The following TRABD2A variants were observed in gnomAD, a reference collection of about 807,000 sequenced individuals.
TRABD2A encodes the protein TraB domain containing 2A, also known as metalloprotease TIKI1.
A neutral mutation model predicts 45.6 loss-of-function variants in TRABD2A; 43 were observed. The ratio of observed to expected loss-of-function variants is 0.94; its 90% CI spans 0.74 to 1.22. The LOEUF (loss-of-function observed/expected upper bound fraction) is 1.22, where lower values mean the gene tolerates loss of function less well. TRABD2A is among the 50% of genes most tolerant of loss of function. The probability of loss-of-function intolerance (pLI) is 0.00; values close to 1 mark genes in which losing one functional copy is unlikely to be tolerated. For missense variants in TRABD2A, 642 were observed against 652.4 expected, an observed-to-expected ratio of 0.98 and a Z score of 0.17; for synonymous variants, 269 against 265.0, an observed-to-expected ratio of 1.02 and a Z score of -0.15.
intron 5 of TRABD2A, among the ~76,000 whole-genome samples, chr2:84,826,155 G>A (rs905391674): frequency 3.3e-5 from 5 of 152,190 alleles, no homozygotes; most frequent in Non-Finnish European, 7.4e-5. Flanking sequence ...CTCAAGAAAA[G>A]TCTGTTGCTT....
In TRABD2A at chr2:84,847,143, G is replaced by T. The variant is rs138267081; in HGVS notation, c.670-5136C>A. Among the ~76,000 whole-genome samples the T allele has an allele frequency of 5.8e-4, 88 of 152,330 alleles. 1 individual carries two copies. The highest frequency in any genetic ancestry group is 2.0e-3 in the African/African-American group (85 of 41,574). On this transcript the variant is annotated intron_variant, in intron 2 of 6. Coordinates refer to ENST00000409520, the MANE Select transcript of TRABD2A (RefSeq NM_001277053.2). The stretch of plus-strand genomic sequence containing the variant: ...AGTGAGGAGCCAAGTCCAGGGCAGG[G>T]CGGTGCTCCAAGGGAAATCTCCATG...
chr2:84,829,775 ACAC>A (rs1681269995), intron 5 of TRABD2A, among the ~76,000 whole-genome samples: 1 of 148,034 alleles, frequency 6.8e-6, no homozygotes, highest in African/African-American at 2.5e-5. Flanking sequence ...CATCCACACT[ACAC>A]CACACACACC....
intron 2 of TRABD2A, among the ~76,000 whole-genome samples, chr2:84,848,375 T>TAGAC (rs57767626): frequency 0.024 from 1,938 of 80,326 alleles, 30 homozygotes; most frequent in Non-Finnish European, 0.028. Context: ...GATAGATAGA[T>TAGAC]AGACAGACAG....
At chr2:84,834,398 C>T (rs183114918) in intron 4 of TRABD2A, 2 of 152,264 alleles carry the variant, frequency 1.3e-5, no homozygotes, top group Admixed American at 1.3e-4. Context: ...GGAGCCAAAC[C>T]CCTTATATTT....
At chr2:84,853,963 T>A (rs1347027182) in intron 2 of TRABD2A, among the ~76,000 whole-genome samples, 1 of 152,066 alleles carries the variant, frequency 6.6e-6, no homozygotes, top group Non-Finnish European at 1.5e-5. Flanking sequence ...GAGGTTGCAG[T>A]GAGCAGAGAT....
chr2:84,860,286 T>C (rs1454637913), intron 2 of TRABD2A, among the ~76,000 whole-genome samples: 1 of 152,032 alleles, frequency 6.6e-6, no homozygotes, highest in African/African-American at 2.4e-5. Flanking sequence ...CCCCCATACC[T>C]CTGGAAATGA....
intron 4 of TRABD2A, 148 bp from the exon 5 acceptor site, chr2:84,832,293 T>G: frequency 1.3e-6 from 1 of 745,052 alleles, no homozygotes; most frequent in Middle Eastern, 2.4e-4. Flanking sequence ...GCTTCTGGAA[T>G]CAGGCCTGCC....
rs1422858496 is a variant in TRABD2A, at chr2:84,831,967, C to T, written c.1082+88G>A. On this transcript the variant is annotated intron_variant, in intron 5 of 6. Transcript: ENST00000409520. ...ATGACGAGGCAGGGGTTCTCTGGAG[C>T]TCCTCAAGATAGCAGCCCACCCTGG... 4.6e-6 allele frequency: 6 copies of T among 1,312,146 alleles called. No homozygotes were observed. In the South Asian group the frequency reaches 4.7e-5, roughly 10 times the overall value. 81.3% of individuals were successfully genotyped at this position (1,312,146 alleles called of 1,614,324 possible).
Position 84,824,170 on chromosome 2 carries a change from G to A in TRABD2A, c.1117C>T (p.Leu373=), listed in dbSNP as rs765779598. The change falls in exon 6 of 7, where the codon CTG becomes TTG. Residue 373 remains leucine, a synonymous_variant. Coordinates refer to ENST00000409520, the MANE Select transcript of TRABD2A (RefSeq NM_001277053.2). The stretch of plus-strand genomic sequence containing the variant: ...ACTTTTGGAGCAAAGATGGTGGACA[G>A]AGTGGGCCGTGTGGAGGTCTTTTTA... The part of the protein sequence containing the change: ...KSKKTSTRPT[L]STIFAPKVPT... The A allele has an allele frequency of 1.2e-6, 2 of 1,614,022 alleles. No homozygotes were observed. The highest frequency in any genetic ancestry group is 1.1e-5 in the South Asian group (1 of 91,072).
intron 1 of TRABD2A, chr2:84,875,074 G>A (rs1054823985): frequency 5.9e-6 from 1 of 170,670 alleles, no homozygotes; most frequent in Non-Finnish European, 1.3e-5. Flanking sequence ...GCAGTGGAAT[G>A]CCCAGCTAGT....
chr2:84,823,998 GGCCTCCGCTGTGACC>G lies in TRABD2A; in HGVS notation c.1274_1288del (p.Arg425_Arg429del), dbSNP rs1229058974. 1 of 1,613,578 alleles carries G rather than the reference GGCCTCCGCTGTGACC, an allele frequency of 6.2e-7. No homozygotes were observed. The highest frequency in any genetic ancestry group is 2.2e-5 in the East Asian group (1 of 44,860). Reference sequence around the variant, plus strand: ...CAGATCGCTGAATTGCCGGAGTCGCGGCCTCCGCTGTGACCGCCTCCGCTTCTTCCGGAACCTCTG... The same window carrying G: ...CAGATCGCTGAATTGCCGGAGTCGCGGCCTCCGCTTCTTCCGGAACCTCTG... On this transcript the variant is annotated inframe_deletion, in exon 6 of 7. Coordinates refer to ENST00000409520, the MANE Select transcript of TRABD2A (RefSeq NM_001277053.2).
chr2:84,838,227 A>G (rs767324777), intron 4 of TRABD2A: 61 of 717,508 alleles, frequency 8.5e-5, no homozygotes, highest in South Asian at 8.4e-4. Context: ...CCTGATTTTC[A>G]AGGCTACTGT....
intron 5 of TRABD2A, among the ~76,000 whole-genome samples, chr2:84,826,285 G>C (rs1253331747): frequency 1.3e-5 from 2 of 152,196 alleles, no homozygotes; most frequent in Non-Finnish European, 2.9e-5. Context: ...AACAAACAAA[G>C]ACCTCACCCC....
At chr2:84,833,767 C>T (rs1681413394) in intron 4 of TRABD2A, 2 of 150,598 alleles carry the variant, frequency 1.3e-5, no homozygotes, top group African/African-American at 2.4e-5. Context: ...CCCCTGGGCA[C>T]TTCGGGCATC....
chr2:84,860,394 A>G (rs998049586), intron 2 of TRABD2A, among the ~76,000 whole-genome samples: 1 of 152,208 alleles, frequency 6.6e-6, no homozygotes, highest in African/African-American at 2.4e-5. Context: ...AGACAGACAG[A>G]GGGACGAAGA....
At chr2:84,829,941 C>A (rs1471615677) in intron 5 of TRABD2A, among the ~76,000 whole-genome samples, 1 of 150,666 alleles carries the variant, frequency 6.6e-6, no homozygotes, top group East Asian at 1.9e-4. Context: ...ACCCTACACA[C>A]AAACATCACA....
chr2:84,870,699 T>G lies in TRABD2A; in HGVS notation c.195A>C (p.Arg65=), dbSNP rs758261532. The stretch of plus-strand genomic sequence containing the variant: ...AGTTGTCGGGGATGAAGTCCCAAAC[T>G]CGGGTGTACGGGACATGGATTGTGC... ...FFGTIHVPYT[R]VWDFIPDNSK... The change falls in exon 2 of 7, where the codon CGA becomes CGC. Residue 65 remains arginine (R), a synonymous_variant. Coordinates refer to ENST00000409520, the MANE Select transcript of TRABD2A (RefSeq NM_001277053.2). The G allele has an allele frequency of 6.2e-7, 1 of 1,605,154 alleles. No homozygotes were observed. The highest frequency in any genetic ancestry group is 8.5e-7 in the Non-Finnish European group (1 of 1,175,712).
At chr2:84,864,350 C>T (rs953286226) in intron 2 of TRABD2A, among the ~76,000 whole-genome samples, 1 of 152,110 alleles carries the variant, frequency 6.6e-6, no homozygotes, top group Non-Finnish European at 1.5e-5. Context: ...TTTTTGCAAG[C>T]GATTGGGATT....
At chr2:84,873,140 G>C (rs1025672949) in intron 1 of TRABD2A, among the ~76,000 whole-genome samples, 1 of 144,962 alleles carries the variant, frequency 6.9e-6, no homozygotes, top group African/African-American at 2.6e-5. Flanking sequence ...AAAAATTTAG[G>C]CCGAGCGCAG....
Sources: gnomAD v4.1 joint callset for allele counts (sites outside exome capture counted in the v4.1 genomes callset) on GRCh38, gnomAD v4.1.1 for gene constraint, MANE v1.5 for transcripts, NCBI Gene and HGNC (gene_info 2026-07-23, HGNC 2026-07-21) for gene names.